Variants in COG5 observed in about 807,000 individuals in gnomAD.
The protein encoded by COG5 is component of oligomeric golgi complex 5.
A neutral mutation model predicts 110.4 loss-of-function variants in COG5; 86 were observed. That is an observed-to-expected ratio of 0.78 (90% CI 0.65 to 0.93). The LOEUF (loss-of-function observed/expected upper bound fraction) is 0.93, where lower values mean the gene tolerates loss of function less well. COG5 is among the 40% of genes least tolerant of loss of function. The pLI, the probability that COG5 is intolerant of heterozygous loss-of-function variation, is 0.00. For synonymous variants in COG5, 360 were observed against 334.6 expected, an observed-to-expected ratio of 1.08 and a Z score of -0.83; for missense variants, 1,077 against 987.0, an observed-to-expected ratio of 1.09 and a Z score of -1.22.
At chr7:107,261,646 A>G (rs1051742944) in intron 14 of COG5, among the ~76,000 whole-genome samples, 2 of 152,124 alleles carry the variant, frequency 1.3e-5, no homozygotes, top group African/African-American at 4.8e-5. Flanking sequence ...GATCCTTCCA[A>G]TACAATGGGC....
intron 7 of COG5, among the ~76,000 whole-genome samples, chr7:107,384,043 T>G (rs62482507): frequency 0.2 from 31,026 of 152,096 alleles, 3,522 homozygotes; most frequent in East Asian, 0.33. Context: ...ATTTCTGAGC[T>G]GTCCTTACCC....
At chr7:107,502,575 T>C (rs1798706012) in intron 6 of COG5, among the ~76,000 whole-genome samples, 1 of 152,140 alleles carries the variant, frequency 6.6e-6, no homozygotes, top group Non-Finnish European at 1.5e-5. Flanking sequence ...GATCTACTTT[T>C]AGTTCTTTAA....
At chr7:107,274,467 T>C (rs1411685170) in intron 14 of COG5, among the ~76,000 whole-genome samples, 1 of 152,162 alleles carries the variant, frequency 6.6e-6, no homozygotes, top group African/African-American at 2.4e-5. Flanking sequence ...GGGGTTGTTT[T>C]GGTGAGACTT....
intron 5 of COG5, among the ~76,000 whole-genome samples, chr7:107,546,482 C>T (rs1280420746): frequency 1.5e-5 from 2 of 129,416 alleles, no homozygotes; most frequent in African/African-American, 5.5e-5. Flanking sequence ...TTTGTCCAGG[C>T]TCCAGTACAA....
chr7:107,250,314 G>A (rs1269773718), intron 16 of COG5, among the ~76,000 whole-genome samples: 1 of 152,206 alleles, frequency 6.6e-6, no homozygotes, highest in South Asian at 2.1e-4. Flanking sequence ...ACTAAATGCG[G>A]CTTGCAACTG....
chr7:107,331,432 C>T (rs181035477), intron 10 of COG5, among the ~76,000 whole-genome samples: 1 of 152,078 alleles, frequency 6.6e-6, no homozygotes, highest in East Asian at 1.9e-4. Context: ...CACAGCACTG[C>T]ACTCCAGACT....
intron 12 of COG5, among the ~76,000 whole-genome samples, chr7:107,289,775 T>C (rs540450947): frequency 6.6e-6 from 1 of 152,362 alleles, no homozygotes; most frequent in East Asian, 1.9e-4. Flanking sequence ...TTACATCTGT[T>C]AATGTTAATA....
At chr7:107,520,324 C>G (rs918447928) in intron 6 of COG5, among the ~76,000 whole-genome samples, 4 of 152,104 alleles carry the variant, frequency 2.6e-5, no homozygotes, top group Admixed American at 6.6e-5. Flanking sequence ...AGAAATAAAG[C>G]GTATTCAAAT....
In COG5 at chr7:107,392,888, C is replaced by G. The variant is rs1332415430; in HGVS notation, c.669+19614G>C. ...AAATACACACGTTAGCTCAAACCTT[C>G]TAAAAGGCGCCTGCATACCACATGT... On this transcript the variant is annotated intron_variant, in intron 7 of 21. Coordinates refer to ENST00000297135, the MANE Select transcript of COG5 (RefSeq NM_006348.5). Among the ~76,000 whole-genome samples, 3 of 152,098 alleles carry G rather than the reference C, an allele frequency of 2.0e-5. No homozygotes were observed. The East Asian group carries it at 5.8e-4, about 29-fold the overall frequency.
chr7:107,286,924 A>G (rs1218649598), intron 12 of COG5, among the ~76,000 whole-genome samples: 1 of 152,218 alleles, frequency 6.6e-6, no homozygotes, highest in Non-Finnish European at 1.5e-5. Context: ...GTGTCAGTTA[A>G]AAAAATAAAG....
intron 10 of COG5, among the ~76,000 whole-genome samples, chr7:107,347,908 C>T (rs992802414): frequency 3.3e-5 from 5 of 151,882 alleles, no homozygotes; most frequent in East Asian, 1.9e-4. Context: ...AGGTGGATCA[C>T]GAGGTCAGGA....
At chr7:107,456,774 C>CA (rs1377492190) in intron 6 of COG5, among the ~76,000 whole-genome samples, 3 of 152,324 alleles carry the variant, frequency 2.0e-5, no homozygotes, top group South Asian at 2.1e-4. Flanking sequence ...GATCAACTCT[C>CA]AAACTCACAG....
intron 12 of COG5, among the ~76,000 whole-genome samples, chr7:107,291,005 T>G (rs1806122942): frequency 6.6e-6 from 1 of 152,220 alleles, no homozygotes; most frequent in African/African-American, 2.4e-5. Context: ...CCCTGACTTT[T>G]GACATTTTTA....
At chr7:107,243,603 A>T (rs1801821787) in intron 17 of COG5, among the ~76,000 whole-genome samples, 1 of 152,000 alleles carries the variant, frequency 6.6e-6, no homozygotes, top group South Asian at 2.1e-4. Context: ...ACAGTATTAG[A>T]TAGATCATCA....
intron 16 of COG5, among the ~76,000 whole-genome samples, chr7:107,255,310 G>C (rs1366489282): frequency 6.6e-6 from 1 of 151,960 alleles, no homozygotes. Context: ...CACATTAGGG[G>C]AAAAAGGGAT....
rs567437158 is a variant in COG5 at position 107,512,109 on chromosome 7, C to G, written c.538+15128G>C. Reference sequence around the variant, plus strand: ...TAGGAAAATAGGAAGCCAAATTGTCCCTGTTTGCAGATGACATGATTGTAT... The same window carrying G: ...TAGGAAAATAGGAAGCCAAATTGTCGCTGTTTGCAGATGACATGATTGTAT... On this transcript the variant is annotated intron_variant, in intron 6 of 21. Coordinates refer to ENST00000297135, the MANE Select transcript of COG5 (RefSeq NM_006348.5). Among the ~76,000 whole-genome samples, 194 of 152,224 alleles carry G rather than the reference C, an allele frequency of 1.3e-3. 8 individuals carry two copies. The South Asian group carries it at 0.038, about 30-fold the overall frequency.
chr7:107,283,516 C>T, intron 13 of COG5, 55 bp downstream of exon 13: 3 of 1,435,222 alleles, frequency 2.1e-6, no homozygotes, highest in Non-Finnish European at 2.9e-6. Flanking sequence ...TATCATATAT[C>T]ACTAACAAAT....
At chr7:107,414,802 C>T (rs531307776) in intron 6 of COG5, among the ~76,000 whole-genome samples, 4 of 140,996 alleles carry the variant, frequency 2.8e-5, no homozygotes, top group East Asian at 4.7e-4. Flanking sequence ...TCTCGGCTCA[C>T]TGCAACCTCC....
chr7:107,273,017 G>C (rs944458499), intron 14 of COG5, among the ~76,000 whole-genome samples: 1 of 152,114 alleles, frequency 6.6e-6, no homozygotes, highest in Non-Finnish European at 1.5e-5. Context: ...CCCTCATTCT[G>C]GGTTTGTGCC....
Sources: allele counts gnomAD v4.1 joint callset (sites outside exome capture counted in the v4.1 genomes callset), GRCh38; gene constraint gnomAD v4.1.1; transcripts MANE v1.5; gene names NCBI Gene and HGNC (gene_info 2026-07-23, HGNC 2026-07-21).